Variants in PTK2 observed in about 807,000 individuals in gnomAD.
The protein encoded by PTK2 is protein tyrosine kinase 2.
PTK2 carries 45 observed loss-of-function variants against 150.1 expected under a neutral mutation model. The observed-to-expected ratio is 0.30, with a 90% CI of 0.24 to 0.38. The LOEUF is 0.38. Ranked by LOEUF, PTK2 falls within the 10% of genes least tolerant of loss-of-function variation. The pLI, the probability that PTK2 is intolerant of heterozygous loss-of-function variation, is 1.00. For synonymous variants in PTK2, 432 were observed against 449.2 expected, an observed-to-expected ratio of 0.96 and a Z score of 0.48; for missense variants, 919 against 1,307.3, an observed-to-expected ratio of 0.70 and a Z score of 4.58.
intron 27 of PTK2, among the ~76,000 whole-genome samples, chr8:140,685,026 G>A (rs931763104): frequency 1.6e-4 from 24 of 152,220 alleles, no homozygotes; most frequent in Middle Eastern, 3.4e-3. Flanking sequence ...AAACATCATG[G>A]TACTGGTACA....
chr8:140,746,089 T>C (rs1316387460), intron 18 of PTK2, among the ~76,000 whole-genome samples: 1 of 152,086 alleles, frequency 6.6e-6, no homozygotes, highest in Non-Finnish European at 1.5e-5. Flanking sequence ...CAGAACACTT[T>C]GCGAGGCCGA....
At chr8:140,864,245 T>C in intron 5 of PTK2, 67 bp downstream of exon 5, 1 of 943,684 alleles carries the variant, frequency 1.1e-6, no homozygotes, top group Non-Finnish European at 1.5e-6. Flanking sequence ...AATTTGAAAA[T>C]AAAAATATGC....
At chr8:140,708,147 T>C (rs1028027097) in intron 23 of PTK2, among the ~76,000 whole-genome samples, 1 of 152,160 alleles carries the variant, frequency 6.6e-6, no homozygotes, top group Non-Finnish European at 1.5e-5. Context: ...CCAAATTAAG[T>C]ACAGAATAAA....
At chr8:140,669,491 A>C (rs568285942) in intron 29 of PTK2, 23 of 493,632 alleles carry the variant, frequency 4.7e-5, no homozygotes, top group Non-Finnish European at 7.1e-5. Flanking sequence ...TTGTTCCAAA[A>C]GTCTGGGTAT....
At chr8:140,736,043 CCA>C (rs924322243) in intron 21 of PTK2, among the ~76,000 whole-genome samples, 4 of 152,202 alleles carry the variant, frequency 2.6e-5, no homozygotes, top group African/African-American at 9.7e-5. Context: ...TCTATAAATG[CCA>C]CAGTGTGACC....
At chr8:140,852,143 A>C (rs2100129679) in intron 5 of PTK2, among the ~76,000 whole-genome samples, 1 of 152,234 alleles carries the variant, frequency 6.6e-6, no homozygotes, top group South Asian at 2.1e-4. Context: ...CGAAGATAAT[A>C]AACTGAGCAC....
rs1328692830 is a variant in PTK2, at chr8:140,769,952, G to A, written c.1178-5662C>T. Among the ~76,000 whole-genome samples, 3 of 152,152 alleles carry A rather than the reference G, an allele frequency of 2.0e-5. No homozygotes were observed. In the East Asian group the frequency reaches 5.8e-4, roughly 29 times the overall value. On this transcript the variant is annotated intron_variant, in intron 14 of 31. Coordinates refer to ENST00000522684, the Ensembl canonical transcript of PTK2. ...AAAAATGGTTTCTACCTTCCTCAAAGGGAACTTGTGTCCCCTCAGATAAAA... is the reference window on the plus strand; with the variant it reads ...AAAAATGGTTTCTACCTTCCTCAAAAGGAACTTGTGTCCCCTCAGATAAAA...
At chr8:140,669,301 G>GTATATGTATA in intron 29 of PTK2, 1 of 97,992 alleles carries the variant, frequency 1.0e-5, no homozygotes, top group South Asian at 3.4e-4. Context: ...GCATAAAATG[G>GTATATGTATA]TATATATATA....
At chr8:140,893,090 G>A (rs2100154764) in intron 2 of PTK2, among the ~76,000 whole-genome samples, 1 of 152,234 alleles carries the variant, frequency 6.6e-6, no homozygotes, top group African/African-American at 2.4e-5. Context: ...CACTTTGGGA[G>A]ACTGAGGCAG....
intron 2 of PTK2, among the ~76,000 whole-genome samples, chr8:140,912,205 T>C (rs1237980604): frequency 6.7e-6 from 1 of 150,224 alleles, no homozygotes; most frequent in Admixed American, 6.6e-5. Context: ...ATTATGACAC[T>C]GCATTCTAGC....
Position 140,789,447 on chromosome 8 carries a change from C to T in PTK2, c.1177+27G>A, listed in dbSNP as rs141866484. The stretch of plus-strand genomic sequence containing the variant: ...CGTCTTACCCCATGAGAGTGCTTTT[C>T]GAGGTCTGCTACCTAGAGCCCCTTA... On this transcript the variant is annotated intron_variant, in intron 14 of 31. Coordinates refer to ENST00000522684, the Ensembl canonical transcript of PTK2. 8.6e-4 allele frequency: 1,379 copies of T among 1,609,440 alleles called. 8 individuals carry two copies. The African/African-American group carries it at 0.016, about 19-fold the overall frequency.
intron 21 of PTK2, among the ~76,000 whole-genome samples, chr8:140,738,515 CA>C (rs1029958677): frequency 1.1e-4 from 17 of 152,052 alleles, no homozygotes; most frequent in Admixed American, 1.0e-3. Context: ...ATGAGATTAT[CA>C]AAAAAGCAGA....
intron 4 of PTK2, among the ~76,000 whole-genome samples, chr8:140,877,682 T>G (rs2100146474): frequency 6.6e-6 from 1 of 151,974 alleles, no homozygotes; most frequent in South Asian, 2.1e-4. Flanking sequence ...AGTATTATTA[T>G]GAGCAGTAGT....
chr8:140,807,127 G>GTT (rs1316476056), intron 10 of PTK2, among the ~76,000 whole-genome samples: 2 of 152,274 alleles, frequency 1.3e-5, no homozygotes, highest in African/African-American at 4.8e-5. Context: ...TTAGGTGCTA[G>GTT]ACTGTGTTCC....
intron 31 of PTK2, among the ~76,000 whole-genome samples, chr8:140,664,502 G>T (rs1266883775): frequency 2.0e-5 from 3 of 152,168 alleles, no homozygotes; most frequent in Non-Finnish European, 4.4e-5. Context: ...CTATTTTTAA[G>T]GAGAATTCGA....
chr8:140,744,547 G>C, intron 19 of PTK2, 105 bp downstream of exon 22: 3 of 575,096 alleles, frequency 5.2e-6, no homozygotes, highest in Non-Finnish European at 9.0e-6. Context: ...CTGTACCAAA[G>C]GGGACCCTGG....
chr8:140,883,655 A>G (rs1199146276), intron 3 of PTK2, among the ~76,000 whole-genome samples: 1 of 152,200 alleles, frequency 6.6e-6, no homozygotes, highest in African/African-American at 2.4e-5. Flanking sequence ...AGATCCAGAA[A>G]TTCAAATCCT....
intron 2 of PTK2, among the ~76,000 whole-genome samples, chr8:140,923,915 C>A (rs73714787): frequency 6.6e-6 from 1 of 151,890 alleles, no homozygotes; most frequent in Non-Finnish European, 1.5e-5. Flanking sequence ...CAGCTCTCAC[C>A]GCCCTACACT....
chr8:140,855,377 C>T (rs746412307), intron 5 of PTK2, among the ~76,000 whole-genome samples: 4 of 151,940 alleles, frequency 2.6e-5, no homozygotes, highest in Non-Finnish European at 5.9e-5. Context: ...GGGTGGATCA[C>T]GAGGTCAGGA....
Sources: gnomAD v4.1 joint callset for allele counts (sites outside exome capture counted in the v4.1 genomes callset) on GRCh38, gnomAD v4.1.1 for gene constraint, MANE v1.5 for transcripts, NCBI Gene and HGNC (gene_info 2026-07-23, HGNC 2026-07-21) for gene names.